LINC00305: variants seen among roughly 807,000 people sequenced by gnomAD.
The protein encoded by LINC00305 is long independently transcribed non-coding RNA 305.
At chr18:64,144,808 A>G (rs1043976179) in intron 1 of LINC00305, among the ~76,000 whole-genome samples, 1 of 152,178 alleles carries the variant, frequency 6.6e-6, no homozygotes, top group Non-Finnish European at 1.5e-5. Flanking sequence ...GCAGCGCGGG[A>G]TGTGCTTCCC....
At chr18:64,147,288 G>A (rs2051502543) in intron 1 of LINC00305, 1 of 152,094 alleles carries the variant, frequency 6.6e-6, no homozygotes, top group Non-Finnish European at 1.5e-5. Flanking sequence ...ATTTTTATGT[G>A]GCAACATAAG....
intron 3 of LINC00305, among the ~76,000 whole-genome samples, chr18:64,086,683 G>A (rs2051204868): frequency 6.6e-6 from 1 of 152,196 alleles, no homozygotes; most frequent in African/African-American, 2.4e-5. Flanking sequence ...GATTGGTGGG[G>A]CTTGTTTCAG....
At chr18:64,139,920 A>G (rs2051453356) in intron 1 of LINC00305, among the ~76,000 whole-genome samples, 1 of 152,030 alleles carries the variant, frequency 6.6e-6, no homozygotes, top group Admixed American at 6.6e-5. Context: ...CCTTAGGATG[A>G]CCCTCACATC....
intron 1 of LINC00305, among the ~76,000 whole-genome samples, chr18:64,139,883 C>T (rs1365371810): frequency 6.6e-6 from 1 of 152,136 alleles, no homozygotes; most frequent in Non-Finnish European, 1.5e-5. Context: ...CAATAGCAAC[C>T]CGTCTTACTC....
At chr18:64,096,935 T>A (rs1312540446) in intron 3 of LINC00305, among the ~76,000 whole-genome samples, 1 of 151,906 alleles carries the variant, frequency 6.6e-6, no homozygotes, top group Non-Finnish European at 1.5e-5. Flanking sequence ...ACTAGAGGAA[T>A]AATATTTTTA....
Position 64,092,751 on chromosome 18 carries a change from G to C in LINC00305, n.540+5083C>G, listed in dbSNP as rs372378126. Among the ~76,000 whole-genome samples, 14 of 152,296 alleles carry C rather than the reference G, an allele frequency of 9.2e-5. 1 individual carries two copies. Among genetic ancestry groups the C allele is most frequent in the African/African-American group, 3.4e-4 (14 of 41,560 alleles). On this transcript the variant is annotated intron_variant and non_coding_transcript_variant, in intron 3 of 3. Transcript: ENST00000666468. ...GAACTCTCTGTGGCTTGTGTACAGT[G>C]ATTATGCCGAGAGCAAGACTTGTTC...
At chr18:64,083,418 T>C (rs2051191997) in intron 3 of LINC00305, among the ~76,000 whole-genome samples, 1 of 152,238 alleles carries the variant, frequency 6.6e-6, no homozygotes. Flanking sequence ...TCTTCCTAAG[T>C]TCTCATACCG....
At chr18:64,123,090 G>A (rs1025097098) in intron 1 of LINC00305, among the ~76,000 whole-genome samples, 1 of 152,010 alleles carries the variant, frequency 6.6e-6, no homozygotes, top group Non-Finnish European at 1.5e-5. Context: ...GGAGTCTTTA[G>A]TTTTTCTAGA....
chr18:64,143,548 C>T lies in LINC00305; in HGVS notation n.314+5227G>A, dbSNP rs1339478336. Among the ~76,000 whole-genome samples, 7 of 81,824 alleles carry T rather than the reference C, an allele frequency of 8.6e-5. 1 individual carries two copies. The highest frequency in any genetic ancestry group is 1.5e-4 in the Non-Finnish European group (6 of 40,270). The allele number at this position is 81,824 out of a possible 152,430, so 53.7% of individuals were successfully genotyped here. A position where few individuals can be genotyped will look rare whatever the true frequency, so the allele number is the denominator to read the frequency against. The stretch of plus-strand genomic sequence containing the variant: ...TATTATGTGTACATATATATGTACA[C>T]ATATTATGTGTACATATATACACAT... On this transcript the variant is annotated intron_variant and non_coding_transcript_variant, in intron 1 of 3. Transcript: ENST00000666468.
At chr18:64,115,961 A>C (rs539995622) in intron 1 of LINC00305, among the ~76,000 whole-genome samples, 2 of 152,284 alleles carry the variant, frequency 1.3e-5, no homozygotes, top group African/African-American at 2.4e-5. Context: ...TCCTGTCCTC[A>C]AGATAGGAGA....
intron 3 of LINC00305, among the ~76,000 whole-genome samples, chr18:64,091,568 T>C (rs1272094231): frequency 6.6e-6 from 1 of 152,170 alleles, no homozygotes; most frequent in Non-Finnish European, 1.5e-5. Context: ...ATTATCCTCA[T>C]TTTGCAAATC....
At chr18:64,133,088 A>T (rs1295873754) in intron 1 of LINC00305, among the ~76,000 whole-genome samples, 1 of 152,152 alleles carries the variant, frequency 6.6e-6, no homozygotes, top group African/African-American at 2.4e-5. Context: ...GGTTGTTTAC[A>T]TCCCTTTGCT....
chr18:64,105,163 T>G (rs1332191311), intron 1 of LINC00305, among the ~76,000 whole-genome samples: 1 of 152,100 alleles, frequency 6.6e-6, no homozygotes, highest in African/African-American at 2.4e-5. Flanking sequence ...ACAGTGCATA[T>G]AAAAAATGTT....
intron 1 of LINC00305, among the ~76,000 whole-genome samples, chr18:64,125,189 T>C (rs1403674736): frequency 5.3e-5 from 8 of 152,156 alleles, no homozygotes; most frequent in African/African-American, 1.9e-4. Flanking sequence ...GTTTTTCATT[T>C]GCCTTGTCCT....
chr18:64,083,679 A>T (rs1735688574), intron 3 of LINC00305, among the ~76,000 whole-genome samples: 1 of 152,138 alleles, frequency 6.6e-6, no homozygotes, highest in African/African-American at 2.4e-5. Context: ...CTCCAAGTTA[A>T]CTGTCATTTC....
At chr18:64,108,026 G>T (rs540760102) in intron 1 of LINC00305, among the ~76,000 whole-genome samples, 1 of 152,290 alleles carries the variant, frequency 6.6e-6, no homozygotes, top group East Asian at 1.9e-4. Context: ...TCTACAATTG[G>T]TGATTGGTGT....
At chr18:64,109,274 G>A (rs892428335) in intron 1 of LINC00305, among the ~76,000 whole-genome samples, 3 of 152,218 alleles carry the variant, frequency 2.0e-5, no homozygotes, top group Admixed American at 6.5e-5. Context: ...GTTCCCATTA[G>A]TGAAAGAGTA....
At chr18:64,116,218 G>A (rs1278014950) in intron 1 of LINC00305, among the ~76,000 whole-genome samples, 1 of 152,180 alleles carries the variant, frequency 6.6e-6, no homozygotes, top group Non-Finnish European at 1.5e-5. Flanking sequence ...GTAACAAAAA[G>A]TGGGTCTCAG....
At chr18:64,144,231 T>A (rs2051485908) in intron 1 of LINC00305, among the ~76,000 whole-genome samples, 1 of 152,200 alleles carries the variant, frequency 6.6e-6, no homozygotes, top group Non-Finnish European at 1.5e-5. Context: ...CTCTATAGAA[T>A]TAGGTTTTGT....
Sources: gnomAD v4.1 joint callset for allele counts (sites outside exome capture counted in the v4.1 genomes callset) on GRCh38, gnomAD v4.1.1 for gene constraint, MANE v1.5 for transcripts, NCBI Gene and HGNC (gene_info 2026-07-23, HGNC 2026-07-21) for gene names.